Variants in PHRF1 observed in about 807,000 individuals in gnomAD.
The protein encoded by PHRF1 is PHD and RING finger domain-containing protein 1.
In PHRF1, 53 loss-of-function variants were observed where a neutral mutation model predicts 128.9. The observed-to-expected ratio is 0.41, with a 90% CI of 0.33 to 0.52. The LOEUF is 0.52. PHRF1 is among the 20% of genes least tolerant of loss of function. The probability of loss-of-function intolerance (pLI) is 0.21; values close to 1 mark genes in which losing one functional copy is unlikely to be tolerated. For synonymous variants in PHRF1, 1,178 were observed against 980.6 expected, an observed-to-expected ratio of 1.20 and a Z score of -3.76; for missense variants, 2,503 against 2,284.5, an observed-to-expected ratio of 1.10 and a Z score of -1.95.
At chr11:580,540 C>G (rs916640899) in intron 1 of PHRF1, among the ~76,000 whole-genome samples, 1 of 152,196 alleles carries the variant, frequency 6.6e-6, no homozygotes, top group Non-Finnish European at 1.5e-5. Flanking sequence ...GTCAGAGGAG[C>G]CTCCAGGCAT....
At chr11:578,298 G>A (rs1854003474) in intron 1 of PHRF1, among the ~76,000 whole-genome samples, 1 of 152,218 alleles carries the variant, frequency 6.6e-6, no homozygotes, top group African/African-American at 2.4e-5. Flanking sequence ...TGATATCGAG[G>A]AAGGATGTTG....
At position 601,652 on chromosome 11, in the gene PHRF1, C is replaced by A; in HGVS notation, c.1103C>A (p.Ser368Tyr). The stretch of plus-strand genomic sequence containing the variant: ...AAAAGTAAGAGCTCAGCGACAAGAT[C>A]TAAGAAACGCCAACATCGAGTGAAG... The part of the protein sequence containing the change: ...SAKSKSSATR[S>Y]KKRQHRVKKR... The change falls in exon 10 of 18, where the codon TCT becomes TAT. Residue 368 changes from serine (S) to tyrosine (Y), a missense_variant. Physicochemically the swap from Ser to Tyr is moderately radical, Grantham distance 144. Transcript: ENST00000264555. 6.2e-7 allele frequency: 1 copy of A among 1,613,786 alleles called. No homozygotes were observed. The highest frequency in any genetic ancestry group is 8.5e-7 in the Non-Finnish European group (1 of 1,179,878).
At chr11:588,895 C>T (rs988491586) in intron 4 of PHRF1, among the ~76,000 whole-genome samples, 29 of 151,864 alleles carry the variant, frequency 1.9e-4, no homozygotes, top group Admixed American at 1.4e-3. Context: ...CTCAGCACTT[C>T]GGGAGGCCAA....
chr11:579,265 C>CCTGCTTTTCCCCCCAGCT (rs1342921616), intron 1 of PHRF1, among the ~76,000 whole-genome samples: 1 of 152,068 alleles, frequency 6.6e-6, no homozygotes, highest in Non-Finnish European at 1.5e-5. Context: ...TCCCCCCAGC[C>CCTGCTTTTCCCCCCAGCT]CTGCTCTGTT....
intron 13 of PHRF1, 195 bp downstream of exon 13, chr11:606,791 A>G: frequency 1.1e-6 from 1 of 917,108 alleles, no homozygotes; most frequent in East Asian, 2.7e-5. Flanking sequence ...CCAGCCCCAC[A>G]GCTTCATGTT....
intron 9 of PHRF1, among the ~76,000 whole-genome samples, chr11:599,052 C>T (rs1484648809): frequency 2.0e-5 from 3 of 152,262 alleles, no homozygotes; most frequent in South Asian, 4.1e-4. Flanking sequence ...TGGGGAGAGC[C>T]GTGGACTGCA....
intron 9 of PHRF1, among the ~76,000 whole-genome samples, chr11:599,253 CTT>C (rs754658303): frequency 2.7e-4 from 28 of 104,990 alleles, no homozygotes; most frequent in Non-Finnish European, 3.5e-4. Flanking sequence ...TTTTTCTTTT[CTT>C]TTTTTTTTTT....
rs753293207 is a variant in PHRF1, at chr11:608,628, C to G, written c.3172C>G (p.Arg1058Gly). The G allele has an allele frequency of 1.2e-6, 2 of 1,612,130 alleles. No homozygotes were observed. Among genetic ancestry groups the G allele is most frequent in the Admixed American group, 1.7e-5 (1 of 59,976 alleles). The change falls in exon 14 of 18, where the codon CGC becomes GGC. Residue 1058 changes from arginine (R) to glycine (G), a missense_variant. Coordinates refer to ENST00000264555, the MANE Select transcript of PHRF1 (RefSeq NM_001286581.2). ...KAKSRRSSSD[R>G]SSSRERAKRK... ...CAAGAGCCGGCGGTCCTCCAGTGAC[C>G]GCTCCAGCAGCCGAGAGCGAGCTAA...
intron 10 of PHRF1, among the ~76,000 whole-genome samples, chr11:604,255 C>T (rs942281531): frequency 6.6e-6 from 1 of 152,190 alleles, no homozygotes; most frequent in African/African-American, 2.4e-5. Flanking sequence ...CATGCTGTTT[C>T]TGTGGTTCCT....
chr11:581,420 G>T lies in PHRF1; in HGVS notation c.-21-72G>T. On this transcript the variant is annotated intron_variant, in intron 1 of 17. Coordinates refer to ENST00000264555, the MANE Select transcript of PHRF1 (RefSeq NM_001286581.2). ...CACGGGGATGTGGCCTGTGGGGAGA[G>T]GTCATAACTCTTCAGAGGGTTCTTT... 4 of 1,324,116 alleles carry T rather than the reference G, an allele frequency of 3.0e-6. No homozygotes were observed. In the South Asian group the frequency reaches 5.1e-5, roughly 17 times the overall value. The allele number at this position is 1,324,116 out of a possible 1,614,324, so 82.0% of individuals were successfully genotyped here. A position where few individuals can be genotyped will look rare whatever the true frequency, so the allele number is the denominator to read the frequency against.
intron 4 of PHRF1, among the ~76,000 whole-genome samples, chr11:589,864 C>T (rs111285659): frequency 0.016 from 2,211 of 138,378 alleles, 191 homozygotes; most frequent in African/African-American, 0.063. Context: ...ACGGAGCGTG[C>T]GGGGCTCAGC....
chr11:586,455 C>T (rs912239241), intron 3 of PHRF1, among the ~76,000 whole-genome samples: 1 of 152,240 alleles, frequency 6.6e-6, no homozygotes, highest in Non-Finnish European at 1.5e-5. Context: ...AGTGATGCCC[C>T]AGTGCTGGCA....
chr11:593,581 G>C (rs999045307), intron 6 of PHRF1, among the ~76,000 whole-genome samples: 7 of 152,238 alleles, frequency 4.6e-5, no homozygotes, highest in Non-Finnish European at 1.0e-4. Flanking sequence ...CCAGGCCTCT[G>C]CTCCACTCAC....
At chr11:605,784 T>G in intron 12 of PHRF1, 60 bp downstream of exon 12, 1 of 1,541,260 alleles carries the variant, frequency 6.5e-7, no homozygotes, top group South Asian at 1.2e-5. Context: ...CGGATGGGAG[T>G]TCTAGGGTGG....
rs765284476 is a variant in PHRF1, at chr11:607,858, G to A, written c.2402G>A (p.Arg801Gln). 28 of 1,612,658 alleles carry A rather than the reference G, an allele frequency of 1.7e-5. No individual in the cohort carries two copies. Among genetic ancestry groups the A allele is most frequent in the African/African-American group, 1.1e-4 (8 of 74,934 alleles). Reference protein sequence around the residue: ...LSSPGFCNTFRPVDDKEQRKE... With the variant: ...LSSPGFCNTFQPVDDKEQRKE... The stretch of plus-strand genomic sequence containing the variant: ...AGCCCTGGCTTCTGTAACACGTTCC[G>A]GCCTGTGGACGATAAGGAGCAGAGG... Residue 801 changes from arginine (R) to glutamine (Q), a missense_variant, in exon 14 of 18, where the codon CGG (arginine) becomes CAG (glutamine). Arg to Gln is a conservative substitution (Grantham distance 43). Coordinates refer to ENST00000264555, the MANE Select transcript of PHRF1 (RefSeq NM_001286581.2).
At chr11:596,808 A>G (rs1400701917) in intron 6 of PHRF1, 115 bp from the exon 7 acceptor site, 6 of 812,498 alleles carry the variant, frequency 7.4e-6, no homozygotes, top group African/African-American at 6.8e-5. Flanking sequence ...CCCATAACAG[A>G]ATGCATCGCA....
At chr11:582,822 C>T (rs889908591) in intron 3 of PHRF1, among the ~76,000 whole-genome samples, 1 of 151,488 alleles carries the variant, frequency 6.6e-6, no homozygotes, top group African/African-American at 2.4e-5. Context: ...CCGCGCCCGG[C>T]CTTTTTTCAA....
At chr11:593,535 G>C (rs1855104574) in intron 6 of PHRF1, among the ~76,000 whole-genome samples, 1 of 152,252 alleles carries the variant, frequency 6.6e-6, no homozygotes, top group Admixed American at 6.5e-5. Flanking sequence ...ACAGCCGCTT[G>C]TGCCCCCACC....
In PHRF1 at chr11:597,327, A is replaced by G; in HGVS notation, c.719-68A>G. The G allele has an allele frequency of 6.5e-7, 1 of 1,544,594 alleles. No individual in the cohort carries two copies. Among genetic ancestry groups the G allele is most frequent in the Non-Finnish European group, 8.8e-7 (1 of 1,141,690 alleles). ...GGGCTGCTACTTGGCCGGCAGCCAC[A>G]GGGGGAGCCGTTGGGGGAGGCGTGT... is the stretch of plus-strand genomic sequence containing the variant. On this transcript the variant is annotated intron_variant, in intron 7 of 17. Transcript: ENST00000264555. The surrounding 1 kb of genome is among the most constrained non-coding windows in gnomAD (Gnocchi z 6.5).
Sources: gnomAD v4.1 joint callset for allele counts (sites outside exome capture counted in the v4.1 genomes callset) on GRCh38, gnomAD v4.1.1 for gene constraint, Gnocchi (gnomAD v3.1) non-coding constraint, MANE v1.5 for transcripts, NCBI Gene and HGNC (gene_info 2026-07-23, HGNC 2026-07-21) for gene names.